The following REXO1 variants were observed in gnomAD, a reference collection of about 807,000 sequenced individuals.
REXO1 encodes REX1, RNA exonuclease 1 homolog.
In REXO1, 42 loss-of-function variants were observed where a neutral mutation model predicts 102.6. That is an observed-to-expected ratio of 0.41 (90% CI 0.32 to 0.53). The LOEUF (loss-of-function observed/expected upper bound fraction) is 0.53. Among genes scored for constraint, REXO1 ranks in the 20% least tolerant of loss-of-function variants. The pLI, the probability that REXO1 is intolerant of heterozygous loss-of-function variation, is 0.27. For synonymous variants in REXO1, 908 were observed against 779.1 expected, an observed-to-expected ratio of 1.17 and a Z score of -2.76; for missense variants, 1,819 against 1,732.5, an observed-to-expected ratio of 1.05 and a Z score of -0.89.
intron 1 of REXO1, 82 bp from the exon 2 acceptor site, chr19:1,828,713 CAGGGA>C (rs903899883): frequency 1.4e-6 from 2 of 1,454,186 alleles, no homozygotes; most frequent in African/African-American, 2.8e-5. Context: ...TCTCAAACTG[CAGGGA>C]AGGGAAGAGA....
In REXO1 at chr19:1,827,611, G is replaced by A. The variant is rs761315978; in HGVS notation, c.1178C>T (p.Ala393Val). 4 of 1,581,500 alleles carry A rather than the reference G, an allele frequency of 2.5e-6. No homozygotes were observed. Among genetic ancestry groups the A allele is most frequent in the Non-Finnish European group, 3.4e-6 (4 of 1,173,712 alleles). ...GTCCTTGGTCTTGTCCTTCCCCTGG[G>A]CCCCGTCTTTGCAGCTGGGGGCAGG... ...APPAPSCKDG[A>V]QGKDKTKDKG... is the part of the protein sequence containing the mutation. Residue 393 changes from alanine (A) to valine (V), a missense_variant, in exon 2 of 16, where the codon GCC (alanine) becomes GTC (valine). Coordinates refer to ENST00000170168, the MANE Select transcript of REXO1 (RefSeq NM_020695.4).
At chr19:1,847,342 G>A (rs191778568) in intron 1 of REXO1, among the ~76,000 whole-genome samples, 1 of 152,334 alleles carries the variant, frequency 6.6e-6, no homozygotes, top group Admixed American at 6.5e-5. Context: ...CATGGTTAAA[G>A]TAAAAACAGT....
At chr19:1,843,226 C>T (rs1242056506) in intron 1 of REXO1, among the ~76,000 whole-genome samples, 1 of 151,138 alleles carries the variant, frequency 6.6e-6, no homozygotes, top group Non-Finnish European at 1.5e-5. Flanking sequence ...CTCCCCGGGC[C>T]CAGAGCCGCA....
At chr19:1,837,201 G>C (rs2070064747) in intron 1 of REXO1, among the ~76,000 whole-genome samples, 1 of 152,214 alleles carries the variant, frequency 6.6e-6, no homozygotes, top group Admixed American at 6.5e-5. Context: ...CTGGAGGACA[G>C]CACCCCTGAA....
chr19:1,823,891 C>T, intron 3 of REXO1, 106 bp from the exon 4 acceptor site: 2 of 441,224 alleles, frequency 4.5e-6, no homozygotes, highest in Non-Finnish European at 7.5e-6. Flanking sequence ...GGGCCGGAGG[C>T]ACCACCTCCC....
At chr19:1,834,217 AAAGG>A (rs1270630700) in intron 1 of REXO1, among the ~76,000 whole-genome samples, 1 of 152,116 alleles carries the variant, frequency 6.6e-6, no homozygotes, top group Non-Finnish European at 1.5e-5. Context: ...AGCCCTTCCC[AAAGG>A]AAGGAAATTC....
At chr19:1,845,270 C>T (rs1364027146) in intron 1 of REXO1, among the ~76,000 whole-genome samples, 2 of 152,134 alleles carry the variant, frequency 1.3e-5, no homozygotes, top group Non-Finnish European at 2.9e-5. Context: ...CCCTCTAGGC[C>T]GGGGATGCAC....
At chr19:1,831,722 G>A (rs370737574) in intron 1 of REXO1, among the ~76,000 whole-genome samples, 185 of 151,542 alleles carry the variant, frequency 1.2e-3, no homozygotes, top group African/African-American at 4.3e-3. Flanking sequence ...ACCCATGCCT[G>A]TAATCCCAGC....
intron 1 of REXO1, among the ~76,000 whole-genome samples, chr19:1,837,649 C>A (rs2070078564): frequency 2.0e-5 from 3 of 152,208 alleles, no homozygotes; most frequent in Admixed American, 6.5e-5. Flanking sequence ...TGGGCTGTGC[C>A]TGCAGCAGCG....
chr19:1,819,836 G>A, intron 7 of REXO1, 98 bp downstream of exon 7: 1 of 1,286,006 alleles, frequency 7.8e-7, no homozygotes, highest in East Asian at 2.8e-5. Flanking sequence ...TGAGACTGTG[G>A]CTGAGCTCAG....
At chr19:1,846,331 A>G (rs2011538273) in intron 1 of REXO1, among the ~76,000 whole-genome samples, 1 of 152,216 alleles carries the variant, frequency 6.6e-6, no homozygotes, top group African/African-American at 2.4e-5. Context: ...ACCTCACCGC[A>G]AGGAAGATGG....
At chr19:1,832,914 CAAAAAAAAA>C (rs71174388) in intron 1 of REXO1, among the ~76,000 whole-genome samples, 6 of 75,884 alleles carry the variant, frequency 7.9e-5, no homozygotes, top group Admixed American at 1.4e-4. Flanking sequence ...GACTCTGTCT[CAAAAAAAAA>C]AAAAAAAAAA....
chr19:1,819,085 G>GC lies in REXO1; in HGVS notation c.2696dup (p.Arg900GlnfsTer62), dbSNP rs1204480487. On this transcript the variant is annotated frameshift_variant, in exon 8 of 16. Coordinates refer to ENST00000170168, the MANE Select transcript of REXO1 (RefSeq NM_020695.4). LOFTEE classifies it high-confidence loss of function. ...AGAAGCTGGTCTTGGCGGCCAACCT[G>GC]CCCCCCAACACCACCTCGTGGGACA... 1.3e-6 allele frequency: 2 copies of GC among 1,599,084 alleles called. No homozygotes were observed. The highest frequency in any genetic ancestry group is 8.5e-7 in the Non-Finnish European group (1 of 1,172,176).
Position 1,827,588 on chromosome 19 carries a change from C to G in REXO1, c.1201G>C (p.Asp401His), listed in dbSNP as rs772427261. The change falls in exon 2 of 16, where the codon GAC becomes CAC. Residue 401 changes from aspartate to histidine, a missense_variant. Physicochemically the swap from Asp to His is moderately conservative, Grantham distance 81. Coordinates refer to ENST00000170168, the MANE Select transcript of REXO1 (RefSeq NM_020695.4). ...TCCACAGGCCGCCCTCGGCCCTTGT[C>G]CTTGGTCTTGTCCTTCCCCTGGGCC... The part of the protein sequence containing the change: ...DGAQGKDKTK[D>H]KGRGRPVEKP... The G allele has an allele frequency of 1.1e-5, 17 of 1,592,586 alleles. No individual in the cohort carries two copies. The highest frequency in any genetic ancestry group is 1.4e-5 in the Non-Finnish European group (17 of 1,176,034).
chr19:1,819,133 T>TGGAA lies in REXO1; in HGVS notation c.2651-6_2651-3dup, dbSNP rs543239521. On this transcript the variant is annotated splice_polypyrimidine_tract_variant and splice_region_variant and intron_variant, in intron 7 of 15. Coordinates refer to ENST00000170168, the MANE Select transcript of REXO1 (RefSeq NM_020695.4). ...ACACAACCCTGCGGCCACTGGTTTC[T>TGGAA]GGAAGGAAGGGAGGGAGGGGAGGAG... 1,173 of 1,559,884 alleles carry TGGAA rather than the reference T, an allele frequency of 7.5e-4. 12 individuals carry two copies. The highest frequency in any genetic ancestry group is 8.2e-4 in the South Asian group (69 of 84,570).
At chr19:1,821,749 G>T in intron 4 of REXO1, 67 bp from the exon 5 acceptor site, 1 of 1,457,888 alleles carries the variant, frequency 6.9e-7, no homozygotes, top group South Asian at 1.2e-5. Flanking sequence ...CGGAGCACCA[G>T]GCAGCCGCGG....
Position 1,839,808 on chromosome 19 carries a change from G to A in REXO1, c.157+8394C>T, listed in dbSNP as rs532139574. 3.9e-5 allele frequency among the ~76,000 whole-genome samples: 6 copies of A among 152,378 alleles called. No individual in the cohort carries two copies. The South Asian group carries it at 1.2e-3, about 32-fold the overall frequency. The stretch of plus-strand genomic sequence containing the variant: ...TGCAGAAGCAGCAGTGCCTGGCATA[G>A]TGCCTGGGATACAGAGGTGGAAGGC... On this transcript the variant is annotated intron_variant, in intron 1 of 15. Coordinates refer to ENST00000170168, the MANE Select transcript of REXO1 (RefSeq NM_020695.4).
rs2069733948 is a variant in REXO1 at position 1,826,692 on chromosome 19, G to GGGC, written c.1911+185_1911+186insGCC. On this transcript the variant is annotated intron_variant, in intron 2 of 15. Coordinates refer to ENST00000170168, the MANE Select transcript of REXO1 (RefSeq NM_020695.4). The surrounding 1 kb of genome is among the most constrained non-coding windows in gnomAD (Gnocchi z 4.3). The stretch of plus-strand genomic sequence containing the variant: ...CCTCTGGGTGGGTGAGGGGCAACAG[G>GGGC]AGCAACAGGGCTGCCCGGGTGCTCC... 8.2e-5 allele frequency among the ~76,000 whole-genome samples: 6 copies of GGGC among 73,022 alleles called. No homozygotes were observed. The highest frequency in any genetic ancestry group is 5.0e-4 in the African/African-American group (5 of 9,970). The allele number at this position is 73,022 out of a possible 152,430, so 47.9% of individuals were successfully genotyped here. A position where few individuals can be genotyped will look rare whatever the true frequency, so the allele number is the denominator to read the frequency against.
Position 1,827,774 on chromosome 19 carries a change from CCTT to C in REXO1, c.1012_1014del (p.Lys338del). 2 of 1,582,436 alleles carry C rather than the reference CCTT, an allele frequency of 1.3e-6. No individual in the cohort carries two copies. Among genetic ancestry groups the C allele is most frequent in the Non-Finnish European group, 1.7e-6 (2 of 1,172,190 alleles). On this transcript the variant is annotated inframe_deletion, in exon 2 of 16. Coordinates refer to ENST00000170168, the MANE Select transcript of REXO1 (RefSeq NM_020695.4). ...CCCACGTCGCACTGCACGGCCGTCT[CCTT>C]GGTCTCCCGCAGGCCGCCCCCCTCG... is the stretch of plus-strand genomic sequence containing the variant.
Sources: gnomAD v4.1 joint callset for allele counts (sites outside exome capture counted in the v4.1 genomes callset) on GRCh38, gnomAD v4.1.1 for gene constraint, Gnocchi (gnomAD v3.1) non-coding constraint, MANE v1.5 for transcripts, NCBI Gene and HGNC (gene_info 2026-07-23, HGNC 2026-07-21) for gene names.